CAMTA1: variants seen among roughly 807,000 people sequenced by gnomAD.
The protein encoded by CAMTA1 is calmodulin-binding transcription activator 1.
Under a neutral mutation model 170.9 loss-of-function variants are expected in CAMTA1, and 27 were observed. The ratio of observed to expected loss-of-function variants is 0.16; its 90% CI spans 0.12 to 0.22. The LOEUF is 0.22. CAMTA1 is among the 10% of genes least tolerant of loss of function. The pLI is 1.00. For synonymous variants in CAMTA1, 833 were observed against 891.5 expected, an observed-to-expected ratio of 0.93 and a Z score of 1.17; for missense variants, 1,619 against 2,217.2, an observed-to-expected ratio of 0.73 and a Z score of 5.42.
At position 6,918,691 on chromosome 1, in the gene CAMTA1, G is replaced by A. The variant is rs1571704705; in HGVS notation, c.234+93481G>A. 6.6e-6 allele frequency among the ~76,000 whole-genome samples: 1 copy of A among 152,312 alleles called. No individual in the cohort carries two copies. The highest frequency in any genetic ancestry group is 2.1e-4 in the South Asian group (1 of 4,826). ...ACATCTCTGCCCATGACAGGAGTTGGGCAGAGGGAGGGGAGGCTGGGCTCC... is the reference window on the plus strand; with the variant it reads ...ACATCTCTGCCCATGACAGGAGTTGAGCAGAGGGAGGGGAGGCTGGGCTCC... On this transcript the variant is annotated intron_variant, in intron 3 of 22. Transcript: ENST00000303635. The surrounding 1 kb of genome is among the most constrained non-coding windows in gnomAD (Gnocchi z 4.0).
At chr1:7,494,897 G>T (rs1388091248) in intron 6 of CAMTA1, among the ~76,000 whole-genome samples, 1 of 152,180 alleles carries the variant, frequency 6.6e-6, no homozygotes, top group African/African-American at 2.4e-5. Context: ...TGACCAGCAA[G>T]CCGGCAGTGT....
At chr1:7,171,332 G>A (rs1573624047) in intron 4 of CAMTA1, among the ~76,000 whole-genome samples, 1 of 152,178 alleles carries the variant, frequency 6.6e-6, no homozygotes, top group South Asian at 2.1e-4. Flanking sequence ...CTTTGCTCAA[G>A]CTGTTCCCCT....
At chr1:6,853,813 A>G (rs1170164883) in intron 3 of CAMTA1, among the ~76,000 whole-genome samples, 8 of 152,216 alleles carry the variant, frequency 5.3e-5, no homozygotes, top group Admixed American at 5.2e-4. Flanking sequence ...GCTTGGGATA[A>G]AGACATACAT....
At position 7,063,632 on chromosome 1, in the gene CAMTA1, A is replaced by G. The variant is rs1157370475; in HGVS notation, c.235-27672A>G. 6.6e-6 allele frequency among the ~76,000 whole-genome samples: 1 copy of G among 152,196 alleles called. No individual in the cohort carries two copies. Among genetic ancestry groups the G allele is most frequent in the Admixed American group, 6.5e-5 (1 of 15,290 alleles). On this transcript the variant is annotated intron_variant, in intron 3 of 22. Coordinates refer to ENST00000303635, the MANE Select transcript of CAMTA1 (RefSeq NM_015215.4). The surrounding 1 kb of genome is among the most constrained non-coding windows in gnomAD (Gnocchi z 4.3). ...GTCTTAAAGCTATTTTAGATCTGAA[A>G]TACCTTCCCTGGACCTACCATTTGC... is the stretch of plus-strand genomic sequence containing the variant.
At chr1:7,205,799 A>G (rs2149039132) in intron 4 of CAMTA1, among the ~76,000 whole-genome samples, 1 of 152,330 alleles carries the variant, frequency 6.6e-6, no homozygotes, top group East Asian at 1.9e-4. Flanking sequence ...ATCCAGATCA[A>G]AAAGAAATTA....
intron 4 of CAMTA1, among the ~76,000 whole-genome samples, chr1:7,221,903 G>GCACACACACACACACA (rs1660833931): frequency 8.0e-6 from 1 of 124,274 alleles, no homozygotes; most frequent in African/African-American, 5.7e-5. Context: ...ACAAGCTGGT[G>GCACACACACACACACA]CATACACACA....
At chr1:7,215,693 C>T (rs888544565) in intron 4 of CAMTA1, among the ~76,000 whole-genome samples, 1 of 152,196 alleles carries the variant, frequency 6.6e-6, no homozygotes, top group Non-Finnish European at 1.5e-5. Context: ...CGTGCCTTAC[C>T]TGGTATGTAG....
chr1:7,611,209 C>G (rs1050707873), intron 6 of CAMTA1, among the ~76,000 whole-genome samples: 3 of 152,194 alleles, frequency 2.0e-5, no homozygotes, highest in Non-Finnish European at 2.9e-5. Context: ...GACCAGGGCC[C>G]ACAGCCTGGG....
chr1:7,704,295 G>T (rs1238495282), intron 11 of CAMTA1, among the ~76,000 whole-genome samples: 1 of 145,344 alleles, frequency 6.9e-6, no homozygotes. Flanking sequence ...CCGCGGGAAG[G>T]GGAACGGGAG....
Position 7,547,715 on chromosome 1 carries a change from T to C in CAMTA1, c.510+79814T>C, listed in dbSNP as rs2094717032. 6.9e-6 allele frequency among the ~76,000 whole-genome samples: 1 copy of C among 144,378 alleles called. No homozygotes were observed. The highest frequency in any genetic ancestry group is 1.5e-5 in the Non-Finnish European group (1 of 66,624). 94.7% of individuals were successfully genotyped at this position (144,378 alleles called of 152,430 possible). A position where few individuals can be genotyped will look rare whatever the true frequency, so the allele number is the denominator to read the frequency against. On this transcript the variant is annotated intron_variant, in intron 6 of 22. Transcript: ENST00000303635. This position sits in a 1 kb window ranked among gnomAD's most constrained non-coding sequence, Gnocchi z 5.7. The stretch of plus-strand genomic sequence containing the variant: ...ACTTTTTTGCAATTTTTTTTTTTTT[T>C]AGCTCATCAGCTACCGTTAGTGTTA...
At chr1:7,715,432 C>CTTTTTTTTTTTTTT (rs34965685) in intron 11 of CAMTA1, among the ~76,000 whole-genome samples, 1 of 142,276 alleles carries the variant, frequency 7.0e-6, no homozygotes, top group African/African-American at 2.6e-5. Flanking sequence ...TAGCCACACA[C>CTTTTTTTTTTTTTT]TTTTTTTTTT....
chr1:7,055,767 T>G (rs888435110), intron 3 of CAMTA1, among the ~76,000 whole-genome samples: 1 of 152,192 alleles, frequency 6.6e-6, no homozygotes, highest in African/African-American at 2.4e-5. Flanking sequence ...CTCACTATTT[T>G]CTATCCCGGA....
chr1:6,964,921 G>A (rs1422275318), intron 3 of CAMTA1, among the ~76,000 whole-genome samples: 2 of 152,222 alleles, frequency 1.3e-5, no homozygotes, highest in Admixed American at 1.3e-4. Context: ...TGAGAGCTGG[G>A]AAGGAGAGGC....
At chr1:7,147,502 A>ATT (rs1646278225) in intron 4 of CAMTA1, among the ~76,000 whole-genome samples, 1 of 151,378 alleles carries the variant, frequency 6.6e-6, no homozygotes, top group South Asian at 2.1e-4. Context: ...ACACTCAAAT[A>ATT]TACACCATGC....
At position 7,407,567 on chromosome 1, in the gene CAMTA1, C is replaced by A. The variant is rs368211577; in HGVS notation, c.439-60263C>A. ...CTGTGTTGGCCTCACCTCCCCACCC[C>A]CAAATGCAAAGGACATGGGTGGGTG... On this transcript the variant is annotated intron_variant, in intron 5 of 22. Coordinates refer to ENST00000303635, the MANE Select transcript of CAMTA1 (RefSeq NM_015215.4). Among the ~76,000 whole-genome samples the A allele has an allele frequency of 7.9e-5, 12 of 152,298 alleles. No homozygotes were observed. In the East Asian group the frequency reaches 1.7e-3, roughly 22 times the overall value.
At chr1:7,451,082 A>G (rs1377514810) in intron 5 of CAMTA1, among the ~76,000 whole-genome samples, 3 of 152,166 alleles carry the variant, frequency 2.0e-5, no homozygotes, top group African/African-American at 7.2e-5. Context: ...CATGTTGCTG[A>G]GGCCCCAGAC....
intron 5 of CAMTA1, among the ~76,000 whole-genome samples, chr1:7,400,492 G>C (rs779579786): frequency 6.6e-6 from 1 of 151,640 alleles, no homozygotes; most frequent in Non-Finnish European, 1.5e-5. Flanking sequence ...ATTTCTTTGG[G>C]GTCAGTTAGT....
At chr1:7,601,618 G>A (rs1261635727) in intron 6 of CAMTA1, among the ~76,000 whole-genome samples, 8 of 152,216 alleles carry the variant, frequency 5.3e-5, no homozygotes, top group Non-Finnish European at 8.8e-5. Context: ...GTAGCGAGCC[G>A]AGATCACGCC....
At chr1:7,548,364 C>T (rs1178950933) in intron 6 of CAMTA1, among the ~76,000 whole-genome samples, 2 of 152,132 alleles carry the variant, frequency 1.3e-5, no homozygotes, top group Non-Finnish European at 2.9e-5. Context: ...GCAGGGTGCG[C>T]CTTAGGAATG....
Sources: gnomAD v4.1 joint callset for allele counts (sites outside exome capture counted in the v4.1 genomes callset) on GRCh38, gnomAD v4.1.1 for gene constraint, Gnocchi (gnomAD v3.1) non-coding constraint, MANE v1.5 for transcripts, NCBI Gene and HGNC (gene_info 2026-07-23, HGNC 2026-07-21) for gene names.